Variants in RBPJ observed in about 807,000 individuals in gnomAD.
The protein encoded by RBPJ is recombination signal binding protein for immunoglobulin kappa J region.
In RBPJ, 9 loss-of-function variants were observed where a neutral mutation model predicts 67.8. That is an observed-to-expected ratio of 0.13 (90% CI 0.08 to 0.23). RBPJ has a LOEUF of 0.23. Ranked by LOEUF, RBPJ falls within the 10% of genes least tolerant of loss-of-function variation. RBPJ has a pLI of 1.00. For synonymous variants in RBPJ, 198 were observed against 203.3 expected, an observed-to-expected ratio of 0.97 and a Z score of 0.22; for missense variants, 305 against 595.6, an observed-to-expected ratio of 0.51 and a Z score of 5.08.
At chr4:26,227,117 C>T (rs1267577933) in intron 1 of RBPJ, among the ~76,000 whole-genome samples, 1 of 152,206 alleles carries the variant, frequency 6.6e-6, no homozygotes, top group African/African-American at 2.4e-5. Flanking sequence ...CAAAACGCTT[C>T]ACTGGAGTCG....
chr4:26,427,557 G>A (rs1013740477), intron 7 of RBPJ, among the ~76,000 whole-genome samples: 2 of 152,182 alleles, frequency 1.3e-5, no homozygotes, highest in Non-Finnish European at 2.9e-5. Flanking sequence ...AGCAGTTGTG[G>A]TCCTGAAAGC....
Position 26,198,069 on chromosome 4 carries a change from A to G in RBPJ, c.-167+34455A>G, listed in dbSNP as rs368610346. On this transcript the variant is annotated intron_variant, in intron 1 of 4. Coordinates refer to the RBPJ transcript ENST00000512351. ...GGTCAGGAGTTCGAGACCAGCCTCA[A>G]CATGGAGGAACCCCGTCTCTACTAA... Among the ~76,000 whole-genome samples the G allele has an allele frequency of 3.9e-5, 6 of 152,098 alleles. No individual in the cohort carries two copies. The East Asian group carries it at 5.8e-4, about 15-fold the overall frequency.
chr4:26,192,010 ATT>A (rs35579283), intron 1 of RBPJ, among the ~76,000 whole-genome samples: 5 of 142,610 alleles, frequency 3.5e-5, no homozygotes, highest in African/African-American at 7.9e-5. Context: ...ATTCTTTAAA[ATT>A]TTTTTTTTTT....
chr4:26,395,823 C>G (rs768284850), intron 2 of RBPJ, among the ~76,000 whole-genome samples: 8 of 152,216 alleles, frequency 5.3e-5, no homozygotes, highest in Non-Finnish European at 1.2e-4. Flanking sequence ...ATTGCATTGT[C>G]TTTGAGAAAA....
chr4:26,430,072 A>C lies in RBPJ; in HGVS notation c.1044+19A>C, dbSNP rs769319924. The C allele has an allele frequency of 5.0e-6, 8 of 1,613,740 alleles. No individual in the cohort carries two copies. The highest frequency in any genetic ancestry group is 6.8e-6 in the Non-Finnish European group (8 of 1,179,842). On this transcript the variant is annotated intron_variant, in intron 9 of 10. Coordinates refer to ENST00000355476, the MANE Select transcript of RBPJ (RefSeq NM_015874.6). This position sits in a 1 kb window ranked among gnomAD's most constrained non-coding sequence, Gnocchi z 4.1. ...CCTTCAGGTGAGAACGCCTAGTCCA[A>C]GTTGGCCTTCAGCTCTTTGCAGCTA... is the stretch of plus-strand genomic sequence containing the variant.
At chr4:26,285,346 C>G (rs1053370393) in intron 1 of RBPJ, among the ~76,000 whole-genome samples, 18 of 136,112 alleles carry the variant, frequency 1.3e-4, no homozygotes, top group African/African-American at 4.6e-4. Flanking sequence ...ATTCAGTTAT[C>G]TATTAGGGCA....
At chr4:26,134,380 C>T in the RBPJ span, among the ~76,000 whole-genome samples, 18 of 152,146 alleles carry the variant, frequency 1.2e-4, no homozygotes, top group African/African-American at 2.9e-4. Context: ...TTCAAGATGG[C>T]GACAACAGAG....
intron 1 of RBPJ, among the ~76,000 whole-genome samples, chr4:26,339,794 CGGATCACCTGAGGTCA>C (rs2109391854): frequency 6.6e-6 from 1 of 152,176 alleles, no homozygotes; most frequent in African/African-American, 2.4e-5. Flanking sequence ...CCAAGGTGGG[CGGATCACCTGAGGTCA>C]GGAGTTTAAG....
chr4:26,414,088 A>G (rs1164245540), intron 3 of RBPJ, among the ~76,000 whole-genome samples: 2 of 152,196 alleles, frequency 1.3e-5, no homozygotes, highest in Non-Finnish European at 2.9e-5. Flanking sequence ...TAATAACAGT[A>G]CAAGAAGTGA....
At chr4:26,114,225 G>A in the RBPJ span, among the ~76,000 whole-genome samples, 3 of 152,058 alleles carry the variant, frequency 2.0e-5, no homozygotes, top group Non-Finnish European at 2.9e-5. Context: ...TTGGGAGGCC[G>A]AGGCAGGTGG....
In RBPJ at chr4:26,214,974, G is replaced by A. The variant is rs577768828; in HGVS notation, c.-167+51360G>A. 7.6e-3 allele frequency among the ~76,000 whole-genome samples: 130 copies of A among 17,188 alleles called. 1 individual carries two copies. Among genetic ancestry groups the A allele is most frequent in the African/African-American group, 9.5e-3 (27 of 2,846 alleles). The allele number at this position is 17,188 out of a possible 152,430, so 11.3% of individuals were successfully genotyped here. On this transcript the variant is annotated intron_variant, in intron 1 of 4. Transcript: ENST00000512351. Reference sequence around the variant, plus strand: ...ACGGAAGGAAGGAGGGAGGGAGGGAGGGAAGGAAGGAGGGAGGGAGGGAGG... The same window carrying A: ...ACGGAAGGAAGGAGGGAGGGAGGGAAGGAAGGAAGGAGGGAGGGAGGGAGG...
chr4:26,409,978 G>T, intron 3 of RBPJ: 1 of 436,040 alleles, frequency 2.3e-6, no homozygotes, highest in Non-Finnish European at 4.5e-6. Context: ...TTTCAAAGTA[G>T]ACCTGCATTA....
At chr4:26,246,737 C>T (rs1333327305) in intron 1 of RBPJ, among the ~76,000 whole-genome samples, 2 of 152,142 alleles carry the variant, frequency 1.3e-5, no homozygotes, top group African/African-American at 4.8e-5. Context: ...TTGCACAGTT[C>T]TCTCTCTATA....
At chr4:26,333,453 C>T (rs1231013475) in intron 1 of RBPJ, among the ~76,000 whole-genome samples, 1 of 152,118 alleles carries the variant, frequency 6.6e-6, no homozygotes, top group Non-Finnish European at 1.5e-5. Context: ...TTTAAAGTTA[C>T]ACTTGATTAG....
the RBPJ span, among the ~76,000 whole-genome samples, chr4:26,128,486 G>A: frequency 6.6e-6 from 1 of 152,180 alleles, no homozygotes; most frequent in Admixed American, 6.5e-5. Context: ...CTGCAAGATA[G>A]ACCCTCTGAT....
intron 1 of RBPJ, among the ~76,000 whole-genome samples, chr4:26,306,609 C>G (rs551715674): frequency 6.6e-6 from 1 of 152,022 alleles, no homozygotes; most frequent in African/African-American, 2.4e-5. Flanking sequence ...GCCACCATGC[C>G]CGGCCAATTT....
chr4:26,160,434 A>T (rs754746602), upstream of RBPJ, among the ~76,000 whole-genome samples: 2 of 152,192 alleles, frequency 1.3e-5, no homozygotes. Context: ...GTAGTTTGTC[A>T]TTGTCCCCAG....
intron 1 of RBPJ, among the ~76,000 whole-genome samples, chr4:26,196,623 A>G (rs1717774115): frequency 1.3e-5 from 2 of 152,218 alleles, no homozygotes; most frequent in East Asian, 1.9e-4. Context: ...GTGAAATTTG[A>G]GCTCAGATTT....
At chr4:26,171,493 C>T (rs1431121990) in intron 1 of RBPJ, among the ~76,000 whole-genome samples, 1 of 152,102 alleles carries the variant, frequency 6.6e-6, no homozygotes, top group Admixed American at 6.5e-5. Flanking sequence ...TTTTGAGCCC[C>T]AAGAGTTAGA....
Sources: allele counts gnomAD v4.1 joint callset (sites outside exome capture counted in the v4.1 genomes callset), GRCh38; gene constraint gnomAD v4.1.1; non-coding constraint Gnocchi (gnomAD v3.1); transcripts MANE v1.5; gene names NCBI Gene and HGNC (gene_info 2026-07-23, HGNC 2026-07-21).